Variants in ANK3 observed in about 807,000 individuals in gnomAD.
ANK3 encodes the protein ankyrin 3.
A neutral mutation model predicts 370.9 loss-of-function variants in ANK3; 57 were observed. The observed-to-expected ratio is 0.15, with a 90% CI of 0.12 to 0.19. The LOEUF is 0.19. ANK3 is among the 10% of genes least tolerant of loss of function. The pLI, the probability that ANK3 is intolerant of heterozygous loss-of-function variation, is 1.00. For synonymous variants in ANK3, 1,929 were observed against 1,946.3 expected, an observed-to-expected ratio of 0.99 and a Z score of 0.23; for missense variants, 4,439 against 5,302.1, an observed-to-expected ratio of 0.84 and a Z score of 5.06.
rs573042775 is a variant in ANK3, at chr10:60,037,776, T to C, written c.*19+4896A>G. On this transcript the variant is annotated intron_variant, in intron 43 of 43. Transcript: ENST00000280772. The stretch of plus-strand genomic sequence containing the variant: ...CATACATGTGCAAGTGCCTTTGTGA[T>C]AGAACAATTTATATTCCTTTGGTTT... 2.4e-3 allele frequency among the ~76,000 whole-genome samples: 371 copies of C among 152,344 alleles called. 1 individual carries two copies. Among genetic ancestry groups the C allele is most frequent in the African/African-American group, 8.0e-3 (332 of 41,574 alleles).
rs1403835833 is a variant in ANK3 at position 60,097,565 on chromosome 10, C to G, written c.3328+8340G>C. ...TACAAACAACAAGAATCATAAAATG[C>G]TTTGCAAATATAAATGGTTATGGAG... On this transcript the variant is annotated intron_variant, in intron 28 of 43. Coordinates refer to ENST00000280772, the MANE Select transcript of ANK3 (RefSeq NM_020987.5). 3.9e-5 allele frequency among the ~76,000 whole-genome samples: 6 copies of G among 152,140 alleles called. No individual in the cohort carries two copies. In the East Asian group the frequency reaches 1.2e-3, roughly 29 times the overall value.
chr10:60,657,987 CCTT>C (rs2078888070), intron 1 of ANK3, among the ~76,000 whole-genome samples: 1 of 149,068 alleles, frequency 6.7e-6, no homozygotes, highest in Non-Finnish European at 1.5e-5. Flanking sequence ...TAATTTTACT[CCTT>C]ATCTTGAAGT....
chr10:60,496,561 T>C (rs550102483), intron 2 of ANK3, among the ~76,000 whole-genome samples: 1 of 152,160 alleles, frequency 6.6e-6, no homozygotes, highest in South Asian at 2.1e-4. Flanking sequence ...TCTTTTTTTT[T>C]TTCCAAAACA....
intron 16 of ANK3, among the ~76,000 whole-genome samples, chr10:60,188,791 T>C (rs937527805): frequency 8.5e-5 from 13 of 152,190 alleles, no homozygotes; most frequent in Admixed American, 8.5e-4. Context: ...TTTGACCTAT[T>C]GCCATCTGAA....
rs2072435665 is a variant in ANK3 at position 60,027,056 on chromosome 10, CT to C, written c.*2789del. The C allele has an allele frequency of 6.6e-6, 1 of 152,030 alleles. No homozygotes were observed. The highest frequency in any genetic ancestry group is 2.4e-5 in the African/African-American group (1 of 41,400). 9.4% of individuals were successfully genotyped at this position (152,030 alleles called of 1,614,324 possible). On this transcript the variant is annotated 3_prime_UTR_variant, in exon 44 of 44. Coordinates refer to ENST00000280772, the MANE Select transcript of ANK3 (RefSeq NM_020987.5). ...CATATTTTGGATACTTCTGAGTAAA[CT>C]TATGACCTCCTGCTTGATCGGAACC...
rs375384470 is a variant in ANK3 at position 60,198,349 on chromosome 10, T to C, written c.1680A>G (p.Ile560Met). ...AGATTTGCTTTCATACCTTTGTTGT[T>C]ATAGATAAAGACGCTCCATGATCCA... ...FLLDHGASLSITTKKGFTPLH... is the reference protein window; with the variant it reads ...FLLDHGASLSMTTKKGFTPLH... The change falls in exon 14 of 44, where the codon ATA becomes ATG. Residue 560 changes from isoleucine (I) to methionine (M), a missense_variant. This residue lies in a region of ANK3 where 192 missense variants were observed against 192.1 expected (regional missense o/e 1.00). Coordinates refer to ENST00000280772, the MANE Select transcript of ANK3 (RefSeq NM_020987.5). 6 of 1,614,074 alleles carry C rather than the reference T, an allele frequency of 3.7e-6. No individual in the cohort carries two copies. The African/African-American group carries it at 6.7e-5, about 18-fold the overall frequency.
intron 1 of ANK3, among the ~76,000 whole-genome samples, chr10:60,706,785 A>G (rs1437587142): frequency 6.6e-6 from 1 of 152,218 alleles, no homozygotes; most frequent in Admixed American, 6.5e-5. Flanking sequence ...TTTCCAGTAG[A>G]CAAATTGTTC....
At chr10:60,453,761 C>G (rs74825313) in intron 2 of ANK3, among the ~76,000 whole-genome samples, 125 of 152,156 alleles carry the variant, frequency 8.2e-4, no homozygotes, top group African/African-American at 2.7e-3. Context: ...CACACACACA[C>G]AGAGTGTGTG....
At chr10:60,680,899 A>G (rs1021115970) in intron 1 of ANK3, among the ~76,000 whole-genome samples, 6 of 152,208 alleles carry the variant, frequency 3.9e-5, no homozygotes, top group African/African-American at 1.4e-4. Flanking sequence ...TAACTATCTC[A>G]TAAGGCCACT....
At chr10:60,456,570 C>T (rs1014805822) in intron 2 of ANK3, among the ~76,000 whole-genome samples, 5 of 152,080 alleles carry the variant, frequency 3.3e-5, no homozygotes, top group Admixed American at 6.6e-5. Context: ...ACTGCAACTG[C>T]CAATTGGAAT....
chr10:60,048,702 G>C (rs998849075), intron 42 of ANK3, among the ~76,000 whole-genome samples: 1 of 152,156 alleles, frequency 6.6e-6, no homozygotes, highest in Non-Finnish European at 1.5e-5. Context: ...TCTCAAGGTT[G>C]GTTGAGTTTG....
chr10:60,455,271 G>A (rs964328586), intron 2 of ANK3, among the ~76,000 whole-genome samples: 8 of 152,066 alleles, frequency 5.3e-5, no homozygotes, highest in African/African-American at 1.9e-4. Context: ...TTGTCTCAGC[G>A]CTGCATGTTT....
chr10:60,698,995 G>A (rs2079509551), intron 1 of ANK3, among the ~76,000 whole-genome samples: 1 of 151,742 alleles, frequency 6.6e-6, no homozygotes, highest in South Asian at 2.1e-4. Flanking sequence ...GGATGAGATT[G>A]GAGACTATAA....
intron 2 of ANK3, among the ~76,000 whole-genome samples, chr10:60,414,635 T>G (rs929845952): frequency 6.6e-6 from 1 of 152,172 alleles, no homozygotes; most frequent in African/African-American, 2.4e-5. Flanking sequence ...AAATATGCCT[T>G]CTCTCCTACG....
chr10:60,102,358 T>A (rs543899150), intron 28 of ANK3, among the ~76,000 whole-genome samples: 1 of 152,236 alleles, frequency 6.6e-6, no homozygotes, highest in South Asian at 2.1e-4. Context: ...ATATCAGGCA[T>A]CAAGCTAGGA....
chr10:60,685,343 A>G (rs1776530633), intron 1 of ANK3: 1 of 178,046 alleles, frequency 5.6e-6, no homozygotes, highest in Admixed American at 6.2e-5. Context: ...AATTGACCAG[A>G]ACACAGTTGT....
chr10:60,509,907 C>T (rs977643921), intron 2 of ANK3, among the ~76,000 whole-genome samples: 1 of 151,938 alleles, frequency 6.6e-6, no homozygotes, highest in African/African-American at 2.4e-5. Flanking sequence ...CATAACATAA[C>T]CTTCTATAGT....
chr10:60,162,294 A>G (rs2095518999), intron 23 of ANK3, among the ~76,000 whole-genome samples: 1 of 152,180 alleles, frequency 6.6e-6, no homozygotes, highest in Admixed American at 6.5e-5. Flanking sequence ...GCTTTACTTG[A>G]CTAGACTTTG....
intron 42 of ANK3, among the ~76,000 whole-genome samples, chr10:60,049,401 A>G (rs1022633653): frequency 7.9e-5 from 12 of 152,206 alleles, no homozygotes; most frequent in Non-Finnish European, 1.8e-4. Context: ...ATCATGGCCA[A>G]CATGGTGAAA....
Sources: allele counts gnomAD v4.1 joint callset (sites outside exome capture counted in the v4.1 genomes callset), GRCh38; gene constraint gnomAD v4.1.1; regional missense constraint gnomAD v4.1.1; transcripts MANE v1.5; gene names NCBI Gene and HGNC (gene_info 2026-07-23, HGNC 2026-07-21).